The following SYN3 variants were observed in gnomAD, a reference collection of about 807,000 sequenced individuals.
The protein encoded by SYN3 is synapsin-3.
A neutral mutation model predicts 65.8 loss-of-function variants in SYN3; 35 were observed. The observed-to-expected ratio is 0.53, with a 90% CI of 0.41 to 0.70. SYN3 has a LOEUF of 0.70. SYN3 is among the 30% of genes least tolerant of loss of function. The pLI is 0.00. For synonymous variants in SYN3, 270 were observed against 292.9 expected (o/e 0.92, Z 0.80); for missense variants, 680 against 749.0 (o/e 0.91, Z 1.08).
intron 9 of SYN3, among the ~76,000 whole-genome samples, chr22:32,535,651 C>T (rs1198846881): frequency 6.6e-6 from 1 of 152,180 alleles, no homozygotes; most frequent in Non-Finnish European, 1.5e-5. Flanking sequence ...CCAGAGGCAG[C>T]TGTTTCCAGA....
At chr22:32,898,515 C>T (rs990950322) in intron 4 of SYN3, among the ~76,000 whole-genome samples, 4 of 152,218 alleles carry the variant, frequency 2.6e-5, no homozygotes, top group African/African-American at 9.6e-5. Flanking sequence ...AGGCACTGTG[C>T]CCATTTACTT....
intron 6 of SYN3, among the ~76,000 whole-genome samples, chr22:32,846,180 T>C (rs1601526534): frequency 6.6e-6 from 1 of 152,350 alleles, no homozygotes; most frequent in South Asian, 2.1e-4. Flanking sequence ...TGGCTGGTCT[T>C]AGTAGGCAAT....
At chr22:32,822,692 C>T (rs1472321309) in intron 6 of SYN3, among the ~76,000 whole-genome samples, 1 of 152,080 alleles carries the variant, frequency 6.6e-6, no homozygotes, top group Non-Finnish European at 1.5e-5. Flanking sequence ...TTCTGCTAAC[C>T]GCTAAGGTGT....
chr22:32,613,575 G>A (rs545605811), intron 6 of SYN3, among the ~76,000 whole-genome samples: 5 of 152,284 alleles, frequency 3.3e-5, no homozygotes, highest in Non-Finnish European at 7.4e-5. Flanking sequence ...GTGAGGGCAA[G>A]GATAGCATTC....
At chr22:32,521,442 A>ATTTTTTTTTTT (rs34710233) in intron 12 of SYN3, among the ~76,000 whole-genome samples, 1 of 119,780 alleles carries the variant, frequency 8.3e-6, no homozygotes, top group African/African-American at 3.2e-5. Flanking sequence ...ACACCTCTTG[A>ATTTTTTTTTTT]TTTTTTTTTT....
intron 6 of SYN3, among the ~76,000 whole-genome samples, chr22:32,767,023 C>T (rs1207728404): frequency 1.3e-5 from 2 of 152,220 alleles, no homozygotes; most frequent in Admixed American, 1.3e-4. Flanking sequence ...ATCTCTCCCT[C>T]CCTTCCAAAT....
intron 7 of SYN3, among the ~76,000 whole-genome samples, chr22:32,547,048 G>A (rs545211656): frequency 6.6e-6 from 1 of 152,168 alleles, no homozygotes; most frequent in South Asian, 2.1e-4. Flanking sequence ...GCACAGTCAG[G>A]GCTCACTGCA....
chr22:32,749,898 G>C (rs771838916), intron 6 of SYN3, among the ~76,000 whole-genome samples: 6 of 152,212 alleles, frequency 3.9e-5, no homozygotes, highest in Non-Finnish European at 8.8e-5. Context: ...GTCAGGGCTA[G>C]ATAGGGGTCT....
At chr22:32,739,785 A>T (rs912752256) in intron 6 of SYN3, among the ~76,000 whole-genome samples, 9 of 152,220 alleles carry the variant, frequency 5.9e-5, no homozygotes, top group African/African-American at 2.2e-4. Flanking sequence ...AAATATTTTG[A>T]GTATTACCCC....
At chr22:32,705,316 T>C (rs1436453311) in intron 6 of SYN3, among the ~76,000 whole-genome samples, 3 of 152,228 alleles carry the variant, frequency 2.0e-5, no homozygotes, top group Non-Finnish European at 4.4e-5. Context: ...TAGGGAGTCC[T>C]TTCCCCATTG....
At chr22:32,569,309 C>A in intron 7 of SYN3, among the ~76,000 whole-genome samples, 1 of 106,208 alleles carries the variant, frequency 9.4e-6, no homozygotes, top group Admixed American at 1.0e-4. Context: ...CTACACCTAT[C>A]TATATAAAAT....
chr22:32,634,849 G>A (rs1036469699), intron 6 of SYN3, among the ~76,000 whole-genome samples: 19 of 152,192 alleles, frequency 1.2e-4, no homozygotes, highest in African/African-American at 2.2e-4. Context: ...GTGGCCCGCC[G>A]GCCATGTGTG....
chr22:32,804,606 C>T (rs750754296), intron 6 of SYN3, among the ~76,000 whole-genome samples: 21 of 152,262 alleles, frequency 1.4e-4, no homozygotes, highest in South Asian at 4.1e-4. Flanking sequence ...GGGGGCTGCC[C>T]GATGGCCTTT....
intron 10 of SYN3, among the ~76,000 whole-genome samples, chr22:32,532,168 G>A (rs2058084864): frequency 6.6e-6 from 1 of 152,300 alleles, no homozygotes; most frequent in Admixed American, 6.5e-5. Flanking sequence ...GTGTCCACCT[G>A]GCTTGGGGGC....
At chr22:32,659,178 A>C (rs1484785850) in intron 6 of SYN3, among the ~76,000 whole-genome samples, 4 of 152,210 alleles carry the variant, frequency 2.6e-5, no homozygotes, top group African/African-American at 9.7e-5. Flanking sequence ...ATGTAGCTAA[A>C]GAGTTGGAGT....
chr22:32,706,585 G>T lies in SYN3; in HGVS notation c.712-109849C>A, dbSNP rs11704071. On this transcript the variant is annotated intron_variant, in intron 6 of 13. Transcript: ENST00000358763. ...AACAGGAATTCTTCAGGCAGAAGTG[G>T]GGAGACCAAGGTGTAGAAAAAGGGA... Among the ~76,000 whole-genome samples the T allele has an allele frequency of 4.3e-3, 654 of 152,328 alleles. 3 individuals are homozygous for T. The highest frequency in any genetic ancestry group is 0.027 in the Middle Eastern group (8 of 294).
At chr22:33,030,468 CAGAGAGACAGATAT>C (rs1015666399) in intron 1 of SYN3, among the ~76,000 whole-genome samples, 2 of 151,666 alleles carry the variant, frequency 1.3e-5, no homozygotes, top group Admixed American at 1.3e-4. Flanking sequence ...GAGACAGACA[CAGAGAGACAGATAT>C]AGAGAGACTG....
chr22:32,783,168 T>C (rs1208252456), intron 6 of SYN3: 1 of 152,304 alleles, frequency 6.6e-6, no homozygotes, highest in Non-Finnish European at 1.5e-5. Context: ...GCTTCCTCTC[T>C]TGATGCAGGT....
At chr22:33,043,780 C>T (rs1173106976) in intron 1 of SYN3, among the ~76,000 whole-genome samples, 10 of 152,014 alleles carry the variant, frequency 6.6e-5, no homozygotes, top group Admixed American at 5.9e-4. Flanking sequence ...CTGGGTCAGG[C>T]GCAGTGGCTC....
Sources: gnomAD v4.1 joint callset for allele counts (sites outside exome capture counted in the v4.1 genomes callset) on GRCh38, gnomAD v4.1.1 for gene constraint, MANE v1.5 for transcripts, NCBI Gene and HGNC (gene_info 2026-07-23, HGNC 2026-07-21) for gene names.